The following PRTFDC1 variants were observed in gnomAD, a reference collection of about 807,000 sequenced individuals.
The protein encoded by PRTFDC1 is phosphoribosyl transferase domain containing 1, also known as phosphoribosyltransferase domain-containing protein 1.
PRTFDC1 carries 38 observed loss-of-function variants against 34.6 expected under a neutral mutation model. The observed-to-expected ratio is 1.10, with a 90% CI of 0.85 to 1.44. The LOEUF (loss-of-function observed/expected upper bound fraction) is 1.44, where lower values mean the gene tolerates loss of function less well. PRTFDC1 is among the 40% of genes most tolerant of loss of function. The pLI is 0.00. For missense variants in PRTFDC1, 270 were observed against 283.0 expected (o/e 0.95, Z 0.33); for synonymous variants, 93 against 98.1 (o/e 0.95, Z 0.31).
chr10:24,939,551 G>A (rs894278502), intron 2 of PRTFDC1, among the ~76,000 whole-genome samples: 2 of 151,794 alleles, frequency 1.3e-5, no homozygotes, highest in African/African-American at 4.8e-5. Context: ...CCAGCACTTT[G>A]GGAGGCCAAG....
At chr10:24,871,916 G>A in intron 4 of PRTFDC1, 82 bp downstream of exon 4, 2 of 1,228,158 alleles carry the variant, frequency 1.6e-6, no homozygotes, top group South Asian at 2.6e-5. Flanking sequence ...TGTCTGAAAT[G>A]TCCTGTGAGT....
intron 3 of PRTFDC1, chr10:24,908,399 CAG>C: frequency 7.1e-7 from 1 of 1,410,942 alleles, no homozygotes; most frequent in Non-Finnish European, 9.5e-7. Context: ...CCAGCAGACA[CAG>C]TGTCCAGTTT....
intron 3 of PRTFDC1, among the ~76,000 whole-genome samples, chr10:24,879,933 G>C (rs1848036212): frequency 6.6e-6 from 1 of 152,116 alleles, no homozygotes; most frequent in Non-Finnish European, 1.5e-5. Context: ...TGGGGTGAGT[G>C]GGGAGAAGGG....
At chr10:24,916,192 T>C (rs80068478) in intron 3 of PRTFDC1, among the ~76,000 whole-genome samples, 4 of 152,330 alleles carry the variant, frequency 2.6e-5, no homozygotes, top group Non-Finnish European at 5.9e-5. Flanking sequence ...ATAAGATATA[T>C]ACAGAAATCC....
intron 3 of PRTFDC1, among the ~76,000 whole-genome samples, chr10:24,919,466 T>A (rs1848746649): frequency 6.6e-6 from 1 of 152,178 alleles, no homozygotes; most frequent in Non-Finnish European, 1.5e-5. Context: ...TCCTTATATC[T>A]TATACAAAAA....
intron 3 of PRTFDC1, among the ~76,000 whole-genome samples, chr10:24,903,857 A>T (rs1848489033): frequency 6.6e-6 from 1 of 150,958 alleles, no homozygotes; most frequent in Non-Finnish European, 1.5e-5. Flanking sequence ...TATTATTATT[A>T]TTATTATTAA....
rs774438404 is a variant in PRTFDC1, at chr10:24,849,889, G to A, written c.633C>T (p.His211=). The A allele has an allele frequency of 6.2e-6, 10 of 1,613,784 alleles. No individual in the cohort carries two copies. Among genetic ancestry groups the A allele is most frequent in the African/African-American group, 4.0e-5 (3 of 74,908 alleles). ...TACCGTGCTCATTGATGACGCATAT[G>A]TGCTGAAACAATAAAGGATTTAAAC... is the stretch of plus-strand genomic sequence containing the variant. ...DYNEYFRDLN[H]ICVINEHGKE... Residue 211 remains histidine, a splice_region_variant and synonymous_variant, in exon 9 of 9, where the codon CAC becomes CAT. Transcript: ENST00000320152.
intron 3 of PRTFDC1, among the ~76,000 whole-genome samples, chr10:24,883,470 C>A (rs1390118703): frequency 2.7e-5 from 4 of 147,128 alleles, no homozygotes; most frequent in African/African-American, 9.7e-5. Flanking sequence ...AGAAAGGCCA[C>A]CACGAAAAAG....
At chr10:24,878,848 G>C (rs1311663669) in intron 3 of PRTFDC1, among the ~76,000 whole-genome samples, 5 of 152,158 alleles carry the variant, frequency 3.3e-5, no homozygotes, top group Admixed American at 1.3e-4. Flanking sequence ...TCAAGAGTCA[G>C]AGCGCAACTT....
rs111847848 is a variant in PRTFDC1, at chr10:24,900,383, G to A, written c.340-28320C>T. 6.9e-3 allele frequency among the ~76,000 whole-genome samples: 1,048 copies of A among 152,304 alleles called. 14 individuals carry two copies. The highest frequency in any genetic ancestry group is 0.024 in the African/African-American group (1,012 of 41,566). ...AGAGGCAGAGAAACTAACAAGCCAG[G>A]AACTCGGAAGCTCTGTGGGTGATAT... On this transcript the variant is annotated intron_variant, in intron 3 of 8. Coordinates refer to ENST00000320152, the MANE Select transcript of PRTFDC1 (RefSeq NM_020200.7).
intron 3 of PRTFDC1, among the ~76,000 whole-genome samples, chr10:24,925,411 T>C (rs545708727): frequency 2.0e-5 from 3 of 152,256 alleles, no homozygotes; most frequent in Non-Finnish European, 4.4e-5. Flanking sequence ...ACATGGCACA[T>C]GTATACCTAT....
chr10:24,864,492 GC>G (rs1847740275), intron 4 of PRTFDC1, among the ~76,000 whole-genome samples: 1 of 152,124 alleles, frequency 6.6e-6, no homozygotes, highest in South Asian at 2.1e-4. Context: ...TCAGTCAGCA[GC>G]CATCAACATC....
rs1847588404 is a variant in PRTFDC1 at position 24,856,950 on chromosome 10, T to C, written c.469A>G (p.Ile157Val). The change falls in exon 6 of 9, where the codon ATA becomes GTA. Residue 157 changes from isoleucine to valine, a missense_variant. Coordinates refer to ENST00000320152, the MANE Select transcript of PRTFDC1 (RefSeq NM_020200.7). The stretch of plus-strand genomic sequence containing the variant: ...ATCATGTTGGGCTTGTATTTCTCTA[T>C]ATTGCTGAGTAGTGCTTTCATGGTC... ...GRTMKALLSN[I>V]EKYKPNMIKV... 6.2e-7 allele frequency: 1 copy of C among 1,613,832 alleles called. No homozygotes were observed. The highest frequency in any genetic ancestry group is 1.1e-5 in the South Asian group (1 of 91,076).
At chr10:24,882,998 TC>T (rs1208973271) in intron 3 of PRTFDC1, among the ~76,000 whole-genome samples, 1 of 149,574 alleles carries the variant, frequency 6.7e-6, no homozygotes, top group East Asian at 1.9e-4. Flanking sequence ...AAAAATTGTA[TC>T]TATATATATG....
intron 3 of PRTFDC1, among the ~76,000 whole-genome samples, chr10:24,892,108 C>T (rs1483276326): frequency 2.0e-5 from 3 of 152,046 alleles, no homozygotes; most frequent in Non-Finnish European, 4.4e-5. Context: ...GATTTTGTTT[C>T]CTTTGGATAA....
intron 3 of PRTFDC1, among the ~76,000 whole-genome samples, chr10:24,924,837 T>C (rs539218807): frequency 2.0e-5 from 3 of 152,266 alleles, no homozygotes; most frequent in African/African-American, 7.2e-5. Context: ...CTGGAGAGGA[T>C]ATGGAGAAAT....
At position 24,851,445 on chromosome 10, in the gene PRTFDC1, T is replaced by C. The variant is rs773607915; in HGVS notation, c.573A>G (p.Pro191=). 53 of 1,611,432 alleles carry C rather than the reference T, an allele frequency of 3.3e-5. No homozygotes were observed. Among genetic ancestry groups the C allele is most frequent in the Admixed American group, 2.8e-4 (17 of 59,846 alleles). ...FRPDYAGFEI[P]NLFVVGYALD... ...AGGCATATCCCACCACAAATAAGTT[T>C]GGAATCTCAAATCCAGCATCTTAGC... Residue 191 remains proline (P), a synonymous_variant, in exon 8 of 9, where the codon CCA becomes CCG. Transcript: ENST00000320152.
At chr10:24,949,743 T>TTTA (rs1849310044) in intron 1 of PRTFDC1, among the ~76,000 whole-genome samples, 60 of 101,000 alleles carry the variant, frequency 5.9e-4, no homozygotes, top group African/African-American at 1.1e-3. Flanking sequence ...TTATTTATTT[T>TTTA]TTTTTTTTTT....
At chr10:24,851,491 A>G (rs757014990) in intron 7 of PRTFDC1, 27 bp from the exon 8 acceptor site, 3 of 1,587,282 alleles carry the variant, frequency 1.9e-6, no homozygotes, top group East Asian at 2.2e-5. Flanking sequence ...AGAGAAAAAA[A>G]AAAAGGAACA....
Sources: gnomAD v4.1 joint callset for allele counts (sites outside exome capture counted in the v4.1 genomes callset) on GRCh38, gnomAD v4.1.1 for gene constraint, MANE v1.5 for transcripts, NCBI Gene and HGNC (gene_info 2026-07-23, HGNC 2026-07-21) for gene names.